The following IFT74 variants were observed in gnomAD, a reference collection of about 807,000 sequenced individuals.
IFT74 encodes intraflagellar transport protein 74 homolog.
Under a neutral mutation model 96.7 loss-of-function variants are expected in IFT74, and 92 were observed. The ratio of observed to expected loss-of-function variants is 0.95; its 90% confidence interval spans 0.80 to 1.13. The LOEUF (loss-of-function observed/expected upper bound fraction) is 1.13. Ranked by LOEUF, IFT74 falls within the 50% of genes most tolerant of loss-of-function variation. IFT74 has a pLI of 0.00. For synonymous variants in IFT74, 223 were observed against 213.2 expected (o/e 1.05, Z -0.40); for missense variants, 811 against 698.2 (o/e 1.16, Z -1.82).
chr9:27,012,053 C>G lies in IFT74; in HGVS notation c.789+85C>G, dbSNP rs1041726316. 1.0e-4 allele frequency: 80 copies of G among 788,524 alleles called. 2 individuals carry two copies. In the African/African-American group the frequency reaches 1.4e-3, roughly 14 times the overall value. The allele number at this position is 788,524 out of a possible 1,614,324, so 48.8% of individuals were successfully genotyped here. ...AAGTATATTAATATAACTAATTCAA[C>G]TACATATTGATCTGGCAGCTTACTA... is the stretch of plus-strand genomic sequence containing the variant. On this transcript the variant is annotated intron_variant, in intron 10 of 19. Coordinates refer to ENST00000380062, the MANE Select transcript of IFT74 (RefSeq NM_025103.4).
At chr9:26,989,145 A>C (rs1321415683) in intron 7 of IFT74, among the ~76,000 whole-genome samples, 1 of 152,194 alleles carries the variant, frequency 6.6e-6, no homozygotes, top group Non-Finnish European at 1.5e-5. Context: ...CAGACATAAA[A>C]TATTAATTTT....
chr9:26,997,918 T>C (rs1256776266), intron 8 of IFT74: 3 of 1,613,936 alleles, frequency 1.9e-6, no homozygotes, highest in African/African-American at 2.7e-5. Flanking sequence ...CAGCATTCAG[T>C]TGTTCTATTT....
chr9:26,962,007 T>G lies in IFT74; in HGVS notation c.40T>G (p.Ser14Ala), dbSNP rs747308436. The G allele has an allele frequency of 5.0e-6, 8 of 1,614,162 alleles. No homozygotes were observed. In the Admixed American group the frequency reaches 1.3e-4, roughly 27 times the overall value. ...NHKSSAARPVSRGGVGLTGRP... is the reference protein window; with the variant it reads ...NHKSSAARPVARGGVGLTGRP... ...CAAATCTTCAGCAGCTCGCCCTGTT[T>G]CAAGAGGTGGAGTTGGGTTAACAGG... The change falls in exon 2 of 20, where the codon TCA becomes GCA. Residue 14 changes from serine (S) to alanine (A), a missense_variant. By Grantham distance (99) the Ser-to-Ala change is moderately conservative (BLOSUM62 1). Transcript: ENST00000380062.
intron 12 of IFT74, among the ~76,000 whole-genome samples, chr9:27,026,079 A>G (rs917592306): frequency 1.3e-5 from 2 of 152,208 alleles, no homozygotes; most frequent in Non-Finnish European, 2.9e-5. Flanking sequence ...AGTATCTCCC[A>G]TCTTCAAGTG....
intron 16 of IFT74, among the ~76,000 whole-genome samples, chr9:27,050,999 G>T (rs1300471701): frequency 2.0e-5 from 3 of 151,988 alleles, no homozygotes; most frequent in African/African-American, 4.8e-5. Context: ...CTGAACTGAC[G>T]TGAGGCTATT....
At chr9:27,012,499 T>G (rs1238424836) in intron 10 of IFT74, among the ~76,000 whole-genome samples, 1 of 152,128 alleles carries the variant, frequency 6.6e-6, no homozygotes, top group East Asian at 1.9e-4. Flanking sequence ...ATTACAGGCA[T>G]GAGGCATTGT....
At chr9:26,955,831 T>G (rs1826066837), upstream of IFT74, 2 of 139,926 alleles carry the variant, frequency 1.4e-5, no homozygotes, top group Non-Finnish European at 3.0e-5. Flanking sequence ...GAAGTAGTTC[T>G]TAAATTAAAA....
intron 8 of IFT74, chr9:26,994,650 A>G (rs974259550): frequency 6.6e-6 from 1 of 152,528 alleles, no homozygotes; most frequent in Non-Finnish European, 1.5e-5. Flanking sequence ...ATACTTGTGA[A>G]TGTCTCTCTG....
upstream of IFT74, chr9:26,955,819 G>A (rs1017015636): frequency 2.0e-5 from 3 of 148,662 alleles, no homozygotes; most frequent in African/African-American, 5.0e-5. Flanking sequence ...GGGATTTAAG[G>A]TGAAGTAGTT....
Position 27,018,560 on chromosome 9 carries a change from A to T in IFT74, c.934-87A>T, listed in dbSNP as rs896080619. 4.4e-5 allele frequency: 29 copies of T among 662,392 alleles called. No homozygotes were observed. The African/African-American group carries it at 5.3e-4, about 12-fold the overall frequency. The allele number at this position is 662,392 out of a possible 1,614,324, so 41.0% of individuals were successfully genotyped here. A position where few individuals can be genotyped will look rare whatever the true frequency, so the allele number is the denominator to read the frequency against. On this transcript the variant is annotated intron_variant, in intron 11 of 19. Transcript: ENST00000380062. ...GAGAGTAGATTTGACACTTTAGTAC[A>T]ATTGTACTCTAGAAGGAAATTATCT... is the stretch of plus-strand genomic sequence containing the variant.
intron 2 of IFT74, among the ~76,000 whole-genome samples, chr9:26,967,802 G>C (rs1434710408): frequency 6.6e-6 from 1 of 152,130 alleles, no homozygotes; most frequent in Non-Finnish European, 1.5e-5. Flanking sequence ...TTGATCATCA[G>C]GAGATGTTAA....
At chr9:26,970,329 AC>A (rs1266204169) in intron 2 of IFT74, among the ~76,000 whole-genome samples, 1 of 152,160 alleles carries the variant, frequency 6.6e-6, no homozygotes, top group Non-Finnish European at 1.5e-5. Context: ...TATCTTCTAG[AC>A]TTTTTAATGT....
At chr9:27,005,357 C>G (rs1224478831) in intron 8 of IFT74, among the ~76,000 whole-genome samples, 1,228 of 47,762 alleles carry the variant, frequency 0.026, 271 homozygotes, top group African/African-American at 0.087. Flanking sequence ...CCATTTCCCC[C>G]CCCGCCCCCC....
chr9:26,987,663 C>A (rs546536931), intron 6 of IFT74, among the ~76,000 whole-genome samples: 1 of 152,200 alleles, frequency 6.6e-6, no homozygotes, highest in African/African-American at 2.4e-5. Flanking sequence ...TTTTAGTAGA[C>A]CTTCTGTTCA....
At chr9:26,995,746 C>A (rs373470897) in intron 8 of IFT74, 14 of 1,613,628 alleles carry the variant, frequency 8.7e-6, no homozygotes, top group Non-Finnish European at 1.0e-5. Flanking sequence ...GAATATTGTA[C>A]CATATTGGGC....
intron 12 of IFT74, among the ~76,000 whole-genome samples, chr9:27,027,706 G>A (rs562458546): frequency 5.9e-5 from 9 of 152,072 alleles, no homozygotes; most frequent in Non-Finnish European, 1.3e-4. Flanking sequence ...CTAGATAGAG[G>A]TGTCATCAGA....
In IFT74 at chr9:26,960,122, T is replaced by G. The variant is rs60289603; in HGVS notation, c.-19-1827T>G. On this transcript the variant is annotated intron_variant, in intron 1 of 19. Transcript: ENST00000380062. ...CCATTGGACATTTCAGTTTTCATCT[T>G]ACTTGAATTTCCAACGTAAATGGCA... Among the ~76,000 whole-genome samples the G allele has an allele frequency of 4.5e-3, 688 of 152,322 alleles. 5 individuals are homozygous for G. Among genetic ancestry groups the G allele is most frequent in the African/African-American group, 0.015 (644 of 41,560 alleles).
intron 8 of IFT74, among the ~76,000 whole-genome samples, chr9:27,001,941 T>C (rs1240822140): frequency 7.4e-6 from 1 of 134,236 alleles, no homozygotes; most frequent in African/African-American, 2.6e-5. Flanking sequence ...TCTTTTTTTC[T>C]CTTTTTTTTT....
At chr9:27,036,716 G>T (rs912059577) in intron 13 of IFT74, 38 of 1,287,650 alleles carry the variant, frequency 3.0e-5, no homozygotes, top group Admixed American at 3.9e-5. Flanking sequence ...TCAATTATAT[G>T]GTGAAAGAAA....
Sources: allele counts gnomAD v4.1 joint callset (sites outside exome capture counted in the v4.1 genomes callset), GRCh38; gene constraint gnomAD v4.1.1; transcripts MANE v1.5; gene names NCBI Gene and HGNC (gene_info 2026-07-23, HGNC 2026-07-21).